Variants in DLG2 observed in about 807,000 individuals in gnomAD.
DLG2 encodes discs large MAGUK scaffold protein 2, also known as disks large homolog 2.
A neutral mutation model predicts 132.5 loss-of-function variants in DLG2; 45 were observed. The observed-to-expected ratio is 0.34, with a 90% CI of 0.27 to 0.44. The LOEUF (loss-of-function observed/expected upper bound fraction) is 0.44, where lower values mean the gene tolerates loss of function less well. DLG2 is among the 20% of genes least tolerant of loss of function. The probability of loss-of-function intolerance (pLI) is 1.00; values close to 1 mark genes in which losing one functional copy is unlikely to be tolerated. For missense variants in DLG2, 1,045 were observed against 1,196.9 expected, an observed-to-expected ratio of 0.87 and a Z score of 1.87; for synonymous variants, 424 against 419.6, an observed-to-expected ratio of 1.01 and a Z score of -0.13.
chr11:85,593,459 TC>T (rs1173190577), intron 3 of DLG2, among the ~76,000 whole-genome samples: 1 of 152,172 alleles, frequency 6.6e-6, no homozygotes, highest in Non-Finnish European at 1.5e-5. Flanking sequence ...CTAACCAAGT[TC>T]ACAGGTGACT....
chr11:83,687,105 G>A (rs929062460), intron 18 of DLG2, among the ~76,000 whole-genome samples: 4 of 152,168 alleles, frequency 2.6e-5, no homozygotes, highest in African/African-American at 9.6e-5. Context: ...CAGAGAAGAG[G>A]CCTAGACCAG....
intron 7 of DLG2, among the ~76,000 whole-genome samples, chr11:84,382,416 G>GA (rs199786629): frequency 0.012 from 1,755 of 152,138 alleles, 27 homozygotes; most frequent in Middle Eastern, 0.034. Flanking sequence ...TATTGCTGAT[G>GA]AAAAAAATTA....
intron 21 of DLG2, among the ~76,000 whole-genome samples, chr11:83,515,515 C>T (rs2095261908): frequency 2.0e-5 from 3 of 152,156 alleles, no homozygotes; most frequent in Non-Finnish European, 1.5e-5. Context: ...TTTTGTGTCT[C>T]TATTTCCTTC....
intron 6 of DLG2, among the ~76,000 whole-genome samples, chr11:85,082,567 A>C (rs934920884): frequency 5.3e-5 from 8 of 152,068 alleles, no homozygotes; most frequent in African/African-American, 1.9e-4. Flanking sequence ...TGAGTTCTTT[A>C]AGGGGTCAGA....
intron 3 of DLG2, among the ~76,000 whole-genome samples, chr11:85,350,394 C>A (rs2083194120): frequency 6.6e-6 from 1 of 152,142 alleles, no homozygotes; most frequent in Non-Finnish European, 1.5e-5. Flanking sequence ...TTTTGCTGTG[C>A]AGGAGCTTTT....
At chr11:83,643,524 A>G (rs183175293) in intron 18 of DLG2, 1 of 152,326 alleles carries the variant, frequency 6.6e-6, no homozygotes, top group East Asian at 1.9e-4. Context: ...TCCACTAGGT[A>G]AGAAAACCTT....
At chr11:84,732,890 G>A (rs1384557092) in intron 6 of DLG2, among the ~76,000 whole-genome samples, 4 of 151,296 alleles carry the variant, frequency 2.6e-5, no homozygotes, top group Admixed American at 6.6e-5. Flanking sequence ...AACATGTGAT[G>A]TTTGGTTTTT....
At chr11:84,516,964 G>A (rs1420236530) in intron 7 of DLG2, among the ~76,000 whole-genome samples, 2 of 139,650 alleles carry the variant, frequency 1.4e-5, no homozygotes, top group African/African-American at 5.3e-5. Flanking sequence ...GAAAAGATTC[G>A]CATGTACCCT....
At chr11:84,307,187 G>A (rs1214246971) in intron 7 of DLG2, among the ~76,000 whole-genome samples, 1 of 152,178 alleles carries the variant, frequency 6.6e-6, no homozygotes. Flanking sequence ...ATGAAATTAT[G>A]TCCTTTGCAG....
intron 7 of DLG2, among the ~76,000 whole-genome samples, chr11:84,492,183 T>C (rs1430867380): frequency 6.6e-6 from 1 of 152,168 alleles, no homozygotes; most frequent in African/African-American, 2.4e-5. Flanking sequence ...CTAGTATGAA[T>C]AAAAGGGTTT....
Position 84,227,244 on chromosome 11 carries a change from A to G in DLG2, c.573+23994T>C, listed in dbSNP as rs997424427. Among the ~76,000 whole-genome samples, 3 of 152,138 alleles carry G rather than the reference A, an allele frequency of 2.0e-5. No individual in the cohort carries two copies. The South Asian group carries it at 6.2e-4, about 32-fold the overall frequency. The stretch of plus-strand genomic sequence containing the variant: ...AAACCACATTTTGACAGGTGAAATG[A>G]AAGAAAAAGACATATTAGACGTAGA... On this transcript the variant is annotated intron_variant, in intron 8 of 27. Coordinates refer to ENST00000376104, the MANE Select transcript of DLG2 (RefSeq NM_001142699.3).
At chr11:85,511,887 C>G (rs967676341) in intron 3 of DLG2, among the ~76,000 whole-genome samples, 1 of 151,900 alleles carries the variant, frequency 6.6e-6, no homozygotes, top group Non-Finnish European at 1.5e-5. Context: ...GCACGTGCCA[C>G]CAAGCCTGGC....
At chr11:85,310,465 A>G (rs2080244913) in intron 3 of DLG2, among the ~76,000 whole-genome samples, 1 of 152,208 alleles carries the variant, frequency 6.6e-6, no homozygotes, top group Non-Finnish European at 1.5e-5. Context: ...ATCCTGACTT[A>G]TAAGAAGTCC....
chr11:83,953,076 T>C (rs1429438580), intron 14 of DLG2, among the ~76,000 whole-genome samples: 1 of 152,164 alleles, frequency 6.6e-6, no homozygotes, highest in African/African-American at 2.4e-5. Context: ...ATTAATACAA[T>C]TACCTAGAAG....
chr11:84,585,160 G>T (rs2099526646), intron 6 of DLG2, among the ~76,000 whole-genome samples: 1 of 151,796 alleles, frequency 6.6e-6, no homozygotes, highest in Non-Finnish European at 1.5e-5. Context: ...TCATTTTTAT[G>T]TATGTGAGAT....
At chr11:84,747,817 G>A (rs1007077592) in intron 6 of DLG2, among the ~76,000 whole-genome samples, 27 of 152,132 alleles carry the variant, frequency 1.8e-4, no homozygotes, top group African/African-American at 6.3e-4. Context: ...TCATCAAAAG[G>A]TTTTTGATTG....
At chr11:85,065,171 C>G (rs890113064) in intron 6 of DLG2, among the ~76,000 whole-genome samples, 1 of 151,344 alleles carries the variant, frequency 6.6e-6, no homozygotes, top group African/African-American at 2.4e-5. Context: ...ATGTCCTCTA[C>G]TGTGTATCTT....
chr11:84,230,437 T>C (rs985586837), intron 8 of DLG2, among the ~76,000 whole-genome samples: 5 of 152,208 alleles, frequency 3.3e-5, no homozygotes, highest in Admixed American at 1.3e-4. Context: ...GTTATGCCAG[T>C]AATAAATAAA....
intron 7 of DLG2, among the ~76,000 whole-genome samples, chr11:84,291,430 T>C (rs1285603383): frequency 6.6e-6 from 1 of 152,166 alleles, no homozygotes; most frequent in Admixed American, 6.6e-5. Flanking sequence ...CATTATGTAT[T>C]ATAAACAATA....
Sources: gnomAD v4.1 joint callset for allele counts (sites outside exome capture counted in the v4.1 genomes callset) on GRCh38, gnomAD v4.1.1 for gene constraint, MANE v1.5 for transcripts, NCBI Gene and HGNC (gene_info 2026-07-23, HGNC 2026-07-21) for gene names.